Variants in ZNF257 observed in about 807,000 individuals in gnomAD.
The protein encoded by ZNF257 is zinc finger protein 257, also known as bone marrow zinc finger 4.
In ZNF257, 12 loss-of-function variants were observed where a neutral mutation model predicts 11.9. The ratio of observed to expected loss-of-function variants is 1.01; its 90% CI spans 0.65 to 1.63. The LOEUF (loss-of-function observed/expected upper bound fraction) is 1.63, where lower values mean the gene tolerates loss of function less well. Among genes scored for constraint, ZNF257 ranks in the 40% most tolerant of loss-of-function variants. The pLI is 0.00. For synonymous variants in ZNF257, 183 were observed against 222.7 expected (o/e 0.82, Z 1.59); for missense variants, 580 against 665.5 (o/e 0.87, Z 1.41).
intron 3 of ZNF257, among the ~76,000 whole-genome samples, chr19:22,077,927 G>GT (rs754159804): frequency 2.0e-5 from 3 of 151,840 alleles, no homozygotes; most frequent in Admixed American, 1.3e-4. Flanking sequence ...CAGATTTGGT[G>GT]TTTTTTTAAA....
intron 3 of ZNF257, among the ~76,000 whole-genome samples, chr19:22,076,259 CTA>C (rs946789819): frequency 1.3e-5 from 2 of 149,186 alleles, no homozygotes; most frequent in Non-Finnish European, 3.0e-5. Flanking sequence ...CCATATTCTG[CTA>C]TATATATATT....
intron 3 of ZNF257, among the ~76,000 whole-genome samples, chr19:22,086,657 T>A (rs552430612): frequency 1.3e-5 from 2 of 151,972 alleles, no homozygotes; most frequent in East Asian, 1.9e-4. Context: ...GGTCTTTTTT[T>A]TTTATTTATT....
At chr19:22,083,765 T>G (rs909244506) in intron 3 of ZNF257, among the ~76,000 whole-genome samples, 1 of 152,148 alleles carries the variant, frequency 6.6e-6, no homozygotes, top group African/African-American at 2.4e-5. Context: ...CTCTGTCTGT[T>G]TGTGGCTGGC....
At chr19:22,062,217 C>T (rs1212218647) in intron 1 of ZNF257, among the ~76,000 whole-genome samples, 6 of 139,100 alleles carry the variant, frequency 4.3e-5, no homozygotes, top group African/African-American at 8.1e-5. Context: ...CCCACCACTG[C>T]GCCTGCTTTT....
At chr19:22,059,184 AG>A (rs1387121311) in intron 1 of ZNF257, among the ~76,000 whole-genome samples, 1 of 151,978 alleles carries the variant, frequency 6.6e-6, no homozygotes, top group Admixed American at 6.6e-5. Flanking sequence ...GTACACATGC[AG>A]GTTTGTTATA....
chr19:22,090,811 C>T lies in ZNF257; in HGVS notation c.*1369C>T, dbSNP rs1040797609. ...TGTTTCTTCATTTCTATTGTATTCACCTGTGAAAGCATGTGATCAACTATT... is the reference window on the plus strand; with the variant it reads ...TGTTTCTTCATTTCTATTGTATTCATCTGTGAAAGCATGTGATCAACTATT... On this transcript the variant is annotated 3_prime_UTR_variant, in exon 4 of 4. Transcript: ENST00000594947. The T allele has an allele frequency of 6.6e-6, 1 of 152,022 alleles. No homozygotes were observed. The highest frequency in any genetic ancestry group is 6.6e-5 in the Admixed American group (1 of 15,248). The allele number at this position is 152,022 out of a possible 1,614,324, so 9.4% of individuals were successfully genotyped here.
chr19:22,072,962 C>T (rs1448635950), intron 2 of ZNF257, 27 bp downstream of exon 2: 1 of 1,569,602 alleles, frequency 6.4e-7, no homozygotes, highest in Non-Finnish European at 8.6e-7. Flanking sequence ...TACTCAATTC[C>T]TAATATACTC....
chr19:22,088,829 C>G lies in ZNF257; in HGVS notation c.1079C>G (p.Thr360Ser). The change falls in exon 4 of 4, where the codon ACT (threonine) becomes AGT (serine). Residue 360 changes from threonine (T) to serine (S), a missense_variant. Transcript: ENST00000594947. ...GKAFNRSSHL[T>S]QHKIIHTKEK... ...GCTTTTAACCGGTCTTCACACCTTA[C>G]TCAACATAAGATAATTCATACTAAA... The G allele has an allele frequency of 6.2e-7, 1 of 1,611,838 alleles. No individual in the cohort carries two copies. Among genetic ancestry groups the G allele is most frequent in the Non-Finnish European group, 8.5e-7 (1 of 1,179,370 alleles).
chr19:22,089,817 T>C lies in ZNF257; in HGVS notation c.*375T>C, dbSNP rs776554767. The C allele has an allele frequency of 3.9e-6, 1 of 256,438 alleles. No homozygotes were observed. The highest frequency in any genetic ancestry group is 7.7e-6 in the Non-Finnish European group (1 of 130,658). The allele number at this position is 256,438 out of a possible 1,614,324, so 15.9% of individuals were successfully genotyped here. A position where few individuals can be genotyped will look rare whatever the true frequency, so the allele number is the denominator to read the frequency against. ...AGAATGTCACAAAGCCCTTAATAAGTCCTCAATTCTTAACAGATATAAGAT... is the reference window on the plus strand; with the variant it reads ...AGAATGTCACAAAGCCCTTAATAAGCCCTCAATTCTTAACAGATATAAGAT... On this transcript the variant is annotated 3_prime_UTR_variant, in exon 4 of 4. Transcript: ENST00000594947.
intron 1 of ZNF257, among the ~76,000 whole-genome samples, chr19:22,052,996 C>T (rs1372099659): frequency 2.0e-5 from 3 of 152,080 alleles, no homozygotes; most frequent in Non-Finnish European, 4.4e-5. Context: ...GAGCTTTGGT[C>T]TGTGGGGTTC....
Position 22,089,417 on chromosome 19 carries a change from C to G in ZNF257, c.1667C>G (p.Ser556Ter). The change falls in exon 4 of 4, where the codon TCA (serine) becomes TGA (stop). Residue 556 changes from serine to a stop codon, truncating the protein, a stop_gained. Coordinates refer to ENST00000594947, the MANE Select transcript of ZNF257 (RefSeq NM_033468.4). LOFTEE classifies it high-confidence loss of function. ...TGTGGCAAAGCTTGTAACCATTCCT[C>G]AAACCTTACTAAACATAATTCATAA... ...EECGKACNHS[S>*]NLTKHNS 1 of 1,610,302 alleles carries G rather than the reference C, an allele frequency of 6.2e-7. No homozygotes were observed. Among genetic ancestry groups the G allele is most frequent in the Non-Finnish European group, 8.5e-7 (1 of 1,178,170 alleles).
rs1971728427 is a variant in ZNF257, at chr19:22,052,549, AG to A, written c.-80del. On this transcript the variant is annotated 5_prime_UTR_variant, in exon 1 of 4. Coordinates refer to ENST00000594947, the MANE Select transcript of ZNF257 (RefSeq NM_033468.4). ...TCCCTGGTCTGTGTCCTCTTCTCCT[AG>A]GGGCCCAGCCTCTGTGGCCCTGTGA... 6.6e-7 allele frequency: 1 copy of A among 1,514,792 alleles called. No individual in the cohort carries two copies. The allele number at this position is 1,514,792 out of a possible 1,614,324, so 93.8% of individuals were successfully genotyped here. A position where few individuals can be genotyped will look rare whatever the true frequency, so the allele number is the denominator to read the frequency against.
chr19:22,082,463 T>C (rs2022381780), intron 3 of ZNF257, among the ~76,000 whole-genome samples: 2 of 152,210 alleles, frequency 1.3e-5, no homozygotes, highest in African/African-American at 4.8e-5. Context: ...CATGAGCCAC[T>C]GTGCCTCGCC....
intron 1 of ZNF257, among the ~76,000 whole-genome samples, chr19:22,072,207 A>AT (rs1000192239): frequency 6.6e-6 from 1 of 152,122 alleles, no homozygotes; most frequent in Non-Finnish European, 1.5e-5. Flanking sequence ...AGGTCTACAA[A>AT]TTTTTTTACT....
chr19:22,063,407 T>G (rs918000247), intron 1 of ZNF257, among the ~76,000 whole-genome samples: 4 of 152,210 alleles, frequency 2.6e-5, no homozygotes, highest in Admixed American at 6.5e-5. Flanking sequence ...AGCTTAGAAT[T>G]GGTTTGCTCT....
Position 22,091,216 on chromosome 19 carries a change from T to C in ZNF257, c.*1774T>C, listed in dbSNP as rs558608515. On this transcript the variant is annotated 3_prime_UTR_variant, in exon 4 of 4. Transcript: ENST00000594947. ...GCTCACGCCTGTAATCCCAACACTT[T>C]GGGAGGCTGAGGCGGGCGGATCAAT... 4 of 152,154 alleles carry C rather than the reference T, an allele frequency of 2.6e-5. No homozygotes were observed. The highest frequency in any genetic ancestry group is 1.3e-4 in the Admixed American group (2 of 15,272). 9.4% of individuals were successfully genotyped at this position (152,154 alleles called of 1,614,324 possible).
intron 1 of ZNF257, among the ~76,000 whole-genome samples, chr19:22,067,790 C>T (rs756893444): frequency 1.3e-5 from 2 of 151,792 alleles, no homozygotes; most frequent in African/African-American, 2.4e-5. Context: ...CCCGAGATCG[C>T]GCCACTGCAC....
intron 1 of ZNF257, among the ~76,000 whole-genome samples, chr19:22,070,247 A>T (rs1464473862): frequency 6.6e-6 from 1 of 152,212 alleles, no homozygotes; most frequent in Non-Finnish European, 1.5e-5. Flanking sequence ...ACAAAAAATT[A>T]AATATAAACA....
At chr19:22,067,300 C>T (rs1164034689) in intron 1 of ZNF257, among the ~76,000 whole-genome samples, 1 of 151,984 alleles carries the variant, frequency 6.6e-6, no homozygotes, top group Non-Finnish European at 1.5e-5. Context: ...GCTCAGAAAC[C>T]CAATCAGAGT....
Sources: allele counts gnomAD v4.1 joint callset (sites outside exome capture counted in the v4.1 genomes callset), GRCh38; gene constraint gnomAD v4.1.1; transcripts MANE v1.5; gene names NCBI Gene and HGNC (gene_info 2026-07-23, HGNC 2026-07-21).